DLC1: variants seen among roughly 807,000 people sequenced by gnomAD.
DLC1 encodes the protein DLC1 Rho GTPase activating protein, also known as rho GTPase-activating protein 7.
In DLC1, 54 loss-of-function variants were observed where a neutral mutation model predicts 140.3. That is an observed-to-expected ratio of 0.38 (90% CI 0.31 to 0.48). The LOEUF (loss-of-function observed/expected upper bound fraction) is 0.48, where lower values mean the gene tolerates loss of function less well. Among genes scored for constraint, DLC1 ranks in the 20% least tolerant of loss-of-function variants. DLC1 has a pLI of 0.96. For missense variants in DLC1, 2,536 were observed against 1,907.0 expected (o/e 1.33, Z -6.14); for synonymous variants, 986 against 728.1 (o/e 1.35, Z -5.70).
chr8:13,292,553 T>C (rs1831796998), intron 5 of DLC1, among the ~76,000 whole-genome samples: 2 of 152,206 alleles, frequency 1.3e-5, no homozygotes, highest in Admixed American at 6.5e-5. Context: ...CTGGCTGATC[T>C]TTGTTTTGTA....
intron 1 of DLC1, among the ~76,000 whole-genome samples, chr8:13,508,631 G>C (rs1330551796): frequency 6.6e-6 from 1 of 152,042 alleles, no homozygotes; most frequent in Non-Finnish European, 1.5e-5. Flanking sequence ...TGTTAGCCAG[G>C]ATGGTCTTGA....
chr8:13,575,516 A>T (rs1423578727), intron 1 of DLC1, among the ~76,000 whole-genome samples: 1 of 152,158 alleles, frequency 6.6e-6, no homozygotes, highest in African/African-American at 2.4e-5. Context: ...ATAAGGGAGC[A>T]TATGGGCTTT....
chr8:13,358,594 C>T (rs943171392), intron 4 of DLC1, among the ~76,000 whole-genome samples: 2 of 151,658 alleles, frequency 1.3e-5, no homozygotes, highest in African/African-American at 4.8e-5. Context: ...AAAATATTTT[C>T]CCATTTTATC....
intron 1 of DLC1, among the ~76,000 whole-genome samples, chr8:13,507,786 C>T (rs950523171): frequency 6.6e-6 from 1 of 152,048 alleles, no homozygotes; most frequent in African/African-American, 2.4e-5. Flanking sequence ...AAAAACTTTA[C>T]CAAATTAAAG....
At chr8:13,368,580 G>A (rs886590821) in intron 4 of DLC1, among the ~76,000 whole-genome samples, 1 of 150,394 alleles carries the variant, frequency 6.6e-6, no homozygotes, top group Non-Finnish European at 1.5e-5. Flanking sequence ...CCAGTGTTCT[G>A]TCAGAGAGAA....
At chr8:13,112,697 G>A (rs560056525) in intron 6 of DLC1, among the ~76,000 whole-genome samples, 2 of 152,222 alleles carry the variant, frequency 1.3e-5, no homozygotes, top group East Asian at 1.9e-4. Flanking sequence ...ACTGTATTTT[G>A]CTTTTTTTTG....
At chr8:13,163,927 C>T (rs1049274887) in intron 5 of DLC1, among the ~76,000 whole-genome samples, 4 of 152,080 alleles carry the variant, frequency 2.6e-5, no homozygotes, top group African/African-American at 9.7e-5. Context: ...ATTGCTTGAG[C>T]CCAGGGATTC....
intron 2 of DLC1, among the ~76,000 whole-genome samples, chr8:13,443,630 C>T (rs868531743): frequency 1.8e-4 from 26 of 142,776 alleles, no homozygotes; most frequent in African/African-American, 6.9e-4. Context: ...TGCACTCCAG[C>T]CTAGGCAACA....
intron 5 of DLC1, among the ~76,000 whole-genome samples, chr8:13,288,604 C>T (rs889901011): frequency 2.0e-5 from 3 of 152,240 alleles, no homozygotes; most frequent in Non-Finnish European, 4.4e-5. Flanking sequence ...TATCTTACCA[C>T]TTAGCTGTTA....
At chr8:13,108,253 TA>T (rs1181539119) in intron 7 of DLC1, among the ~76,000 whole-genome samples, 1 of 152,066 alleles carries the variant, frequency 6.6e-6, no homozygotes, top group Non-Finnish European at 1.5e-5. Context: ...TTTCCTTTTT[TA>T]AAAAAGAAAA....
At chr8:13,233,558 T>C (rs927198781) in intron 5 of DLC1, among the ~76,000 whole-genome samples, 8 of 152,218 alleles carry the variant, frequency 5.3e-5, no homozygotes, top group African/African-American at 1.9e-4. Context: ...AATCATGGAG[T>C]ATATTCTACA....
At chr8:13,469,769 A>G (rs1391492351) in intron 2 of DLC1, among the ~76,000 whole-genome samples, 5 of 152,336 alleles carry the variant, frequency 3.3e-5, no homozygotes, top group Middle Eastern at 3.4e-3. Context: ...AGTTGTTACA[A>G]TGCCTTTCTA....
At chr8:13,147,484 G>C (rs954370519) in intron 5 of DLC1, among the ~76,000 whole-genome samples, 1 of 152,128 alleles carries the variant, frequency 6.6e-6, no homozygotes, top group East Asian at 1.9e-4. Flanking sequence ...TTTCAGATCT[G>C]TGGCTGATAC....
chr8:13,256,102 G>A (rs1830214919), intron 5 of DLC1, among the ~76,000 whole-genome samples: 1 of 152,142 alleles, frequency 6.6e-6, no homozygotes, highest in African/African-American at 2.4e-5. Context: ...AGCTAGTTGA[G>A]ACCCAGACTA....
chr8:13,570,909 C>A (rs1804630615), intron 1 of DLC1, among the ~76,000 whole-genome samples: 2 of 152,120 alleles, frequency 1.3e-5, no homozygotes. Context: ...CCCTGTCCTG[C>A]CAGGGTTAAC....
In DLC1 at chr8:13,133,062, G is replaced by T. The variant is rs1484577624; in HGVS notation, c.1349-17405C>A. The T allele has an allele frequency of 5.8e-6, 9 of 1,556,530 alleles. No homozygotes were observed. In the East Asian group the frequency reaches 1.4e-4, roughly 25 times the overall value. ...GCTCGGCTTCCGCGTCGGGACCCACGGCGGCACCCGAGACGCGCGCCCTCG... is the reference window on the plus strand; with the variant it reads ...GCTCGGCTTCCGCGTCGGGACCCACTGCGGCACCCGAGACGCGCGCCCTCG... On this transcript the variant is annotated intron_variant, in intron 5 of 17. Transcript: ENST00000276297.
At chr8:13,393,186 A>G (rs1836846040) in intron 4 of DLC1, among the ~76,000 whole-genome samples, 1 of 152,086 alleles carries the variant, frequency 6.6e-6, no homozygotes, top group South Asian at 2.1e-4. Context: ...TCTATCATTC[A>G]TCACATCTTA....
chr8:13,218,654 G>A (rs1198913217), intron 5 of DLC1, among the ~76,000 whole-genome samples: 2 of 150,924 alleles, frequency 1.3e-5, no homozygotes, highest in African/African-American at 2.4e-5. Flanking sequence ...TAGAGAAACT[G>A]GTTCACGCAT....
chr8:13,134,158 G>T (rs1489454063), intron 5 of DLC1, among the ~76,000 whole-genome samples: 3 of 152,188 alleles, frequency 2.0e-5, no homozygotes, highest in Non-Finnish European at 4.4e-5. Flanking sequence ...TGATGTATTA[G>T]GAAGCCTAAT....
Sources: gnomAD v4.1 joint callset for allele counts (sites outside exome capture counted in the v4.1 genomes callset) on GRCh38, gnomAD v4.1.1 for gene constraint, MANE v1.5 for transcripts, NCBI Gene and HGNC (gene_info 2026-07-23, HGNC 2026-07-21) for gene names.